Variants in CNBP observed in about 807,000 individuals in gnomAD.
CNBP encodes cellular nucleic acid-binding protein.
Under a neutral mutation model 21.2 loss-of-function variants are expected in CNBP, and 6 were observed. The observed-to-expected ratio is 0.28, with a 90% CI of 0.16 to 0.56. The LOEUF (loss-of-function observed/expected upper bound fraction) is 0.56. Ranked by LOEUF, CNBP falls within the 20% of genes least tolerant of loss-of-function variation. CNBP has a pLI of 0.93. For missense variants in CNBP, 112 were observed against 233.1 expected, an observed-to-expected ratio of 0.48 and a Z score of 3.38; for synonymous variants, 61 against 74.9, an observed-to-expected ratio of 0.81 and a Z score of 0.96.
At chr3:129,177,779 T>A (rs1432801473) in intron 1 of CNBP, among the ~76,000 whole-genome samples, 1 of 152,194 alleles carries the variant, frequency 6.6e-6, no homozygotes, top group East Asian at 1.9e-4. Flanking sequence ...CATTTTTGTG[T>A]ATCAAATGTT....
At position 129,168,076 on chromosome 3, in the gene CNBP, C is replaced by T. The variant is rs149706654; in HGVS notation, c.*2377G>A. ...AGAACCCTGCATGAAGGATGAAAAA[C>T]TCATACCCAAAGTCAAGAATCACAC... is the stretch of plus-strand genomic sequence containing the variant. On this transcript the variant is annotated 3_prime_UTR_variant, in exon 5 of 5. Coordinates refer to ENST00000422453, the MANE Select transcript of CNBP (RefSeq NM_003418.5). 2.2e-4 allele frequency among the ~76,000 whole-genome samples: 33 copies of T among 152,218 alleles called. No individual in the cohort carries two copies. In the East Asian group the frequency reaches 4.4e-3, roughly 20 times the overall value.
chr3:129,171,988 G>A (rs1430315431), intron 1 of CNBP, among the ~76,000 whole-genome samples: 1 of 151,930 alleles, frequency 6.6e-6, no homozygotes, highest in East Asian at 1.9e-4. Context: ...TGGCTAACAT[G>A]GTGAAACCCC....
At position 129,170,364 on chromosome 3, in the gene CNBP, C is replaced by CT; in HGVS notation, c.*88dup. ...AAGCTCACTGGCCTGGGAGTTGCCTCTATCTGCCAACCTTTGGCCAGTGAA... is the reference window on the plus strand; with the variant it reads ...AAGCTCACTGGCCTGGGAGTTGCCTCTTATCTGCCAACCTTTGGCCAGTGAA... On this transcript the variant is annotated 3_prime_UTR_variant, in exon 5 of 5. Transcript: ENST00000422453. The CT allele has an allele frequency of 8.6e-7, 1 of 1,163,288 alleles. No homozygotes were observed. The highest frequency in any genetic ancestry group is 1.3e-6 in the Non-Finnish European group (1 of 775,818). 72.1% of individuals were successfully genotyped at this position (1,163,288 alleles called of 1,614,324 possible). A position where few individuals can be genotyped will look rare whatever the true frequency, so the allele number is the denominator to read the frequency against.
At chr3:129,181,013 G>A (rs1246300365) in intron 1 of CNBP, among the ~76,000 whole-genome samples, 2 of 151,352 alleles carry the variant, frequency 1.3e-5, no homozygotes, top group African/African-American at 4.9e-5. Context: ...GCCGAGGCGG[G>A]TGAATTACCT....
At chr3:129,181,652 A>AAAAAAAAAAAAAAAAG (rs1355831775) in intron 1 of CNBP, among the ~76,000 whole-genome samples, 1 of 148,326 alleles carries the variant, frequency 6.7e-6, no homozygotes, top group Admixed American at 6.7e-5. Flanking sequence ...TCCGTCTCAG[A>AAAAAAAAAAAAAAAAG]AAAAAAAAAA....
chr3:129,179,820 G>A (rs765620704), intron 1 of CNBP, among the ~76,000 whole-genome samples: 13 of 152,050 alleles, frequency 8.5e-5, no homozygotes, highest in Non-Finnish European at 1.3e-4. Context: ...GTGACAAAGC[G>A]AGACTCCGTC....
chr3:129,180,049 CACAAAAATGCTATCGTAATATATG>C (rs1938189603), intron 1 of CNBP, among the ~76,000 whole-genome samples: 2 of 151,408 alleles, frequency 1.3e-5, no homozygotes, highest in South Asian at 2.1e-4. Flanking sequence ...TGGTAAAGTA[CACAAAAATGCTATCGTAATATATG>C]ACAAAAATGC....
chr3:129,183,322 G>A (rs570888176), intron 1 of CNBP, among the ~76,000 whole-genome samples: 46 of 152,266 alleles, frequency 3.0e-4, no homozygotes, highest in Admixed American at 2.7e-3. Context: ...CACATGGCCT[G>A]CACGACTATA....
chr3:129,178,680 G>GT (rs1377551354), intron 1 of CNBP, among the ~76,000 whole-genome samples: 5 of 152,032 alleles, frequency 3.3e-5, no homozygotes, highest in African/African-American at 7.2e-5. Flanking sequence ...CTGAATGTAT[G>GT]TAAGTATGCA....
chr3:129,181,655 A>AAAAAAAAAAAAAAAAAAAAAAG (rs1264573788), intron 1 of CNBP, among the ~76,000 whole-genome samples: 4 of 141,674 alleles, frequency 2.8e-5, no homozygotes, highest in African/African-American at 1.2e-4. Context: ...GTCTCAGAAA[A>AAAAAAAAAAAAAAAAAAAAAAG]AAAAAAAGAA....
intron 1 of CNBP, among the ~76,000 whole-genome samples, chr3:129,173,227 GTAT>G (rs1040642372): frequency 1.9e-4 from 29 of 152,144 alleles, no homozygotes; most frequent in African/African-American, 6.8e-4. Flanking sequence ...ATTGTGTTAG[GTAT>G]TATAAGTAAT....
chr3:129,182,921 CTTCAGGAACCCTTT>C, intron 1 of CNBP, among the ~76,000 whole-genome samples: 1 of 147,444 alleles, frequency 6.8e-6, no homozygotes, highest in Non-Finnish European at 1.5e-5. Flanking sequence ...ACAAAGGCTT[CTTCAGGAACCCTTT>C]GTTGTTGTTT....
intron 1 of CNBP, among the ~76,000 whole-genome samples, chr3:129,175,867 G>A (rs909036843): frequency 6.6e-6 from 1 of 152,182 alleles, no homozygotes; most frequent in Non-Finnish European, 1.5e-5. Flanking sequence ...TTTTAAAAGA[G>A]GTCTTTGAGT....
intron 1 of CNBP, among the ~76,000 whole-genome samples, chr3:129,182,038 G>T (rs1262031678): frequency 6.6e-6 from 1 of 151,976 alleles, no homozygotes; most frequent in Non-Finnish European, 1.5e-5. Context: ...TAGGAGGGGG[G>T]AGGGGGAAGC....
At position 129,171,711 on chromosome 3, in the gene CNBP, G is replaced by A. The variant is rs1937572533; in HGVS notation, c.47C>T (p.Ala16Val). The change falls in exon 2 of 5, where the codon GCC becomes GTC. Residue 16 changes from alanine to valine, a missense_variant. Transcript: ENST00000422453. Reference protein sequence around the residue: ...CFKCGRSGHWARECPTGGGRG... With the variant: ...CFKCGRSGHWVRECPTGGGRG... The stretch of plus-strand genomic sequence containing the variant: ...GCCTCCACCAGTAGGACATTCCCGG[G>A]CCCAGTGGCCAGATCGTCCACACTT... The A allele has an allele frequency of 2.5e-6, 4 of 1,614,106 alleles. No homozygotes were observed. The highest frequency in any genetic ancestry group is 3.4e-6 in the Non-Finnish European group (4 of 1,180,034).
At chr3:129,177,490 T>C (rs566988820) in intron 1 of CNBP, among the ~76,000 whole-genome samples, 2 of 152,248 alleles carry the variant, frequency 1.3e-5, no homozygotes, top group African/African-American at 2.4e-5. Flanking sequence ...TTGTGCTTAA[T>C]AGATATTCAA....
intron 1 of CNBP, among the ~76,000 whole-genome samples, chr3:129,180,113 T>C (rs976605613): frequency 6.6e-6 from 1 of 152,086 alleles, no homozygotes; most frequent in African/African-American, 2.4e-5. Flanking sequence ...GGTAGGGAAT[T>C]ATACCAATTC....
chr3:129,177,231 C>T (rs1384313), intron 1 of CNBP, among the ~76,000 whole-genome samples: 135,843 of 152,224 alleles, frequency 0.89, 61,419 homozygotes, highest in Non-Finnish European at 0.97. Context: ...TAAGGCACCA[C>T]TTACTGAAGG....
At chr3:129,174,907 C>G (rs555837379) in intron 1 of CNBP, among the ~76,000 whole-genome samples, 1 of 151,614 alleles carries the variant, frequency 6.6e-6, no homozygotes, top group East Asian at 2.0e-4. Context: ...TTAGAAAATA[C>G]AAAACAAGGA....
Sources: allele counts gnomAD v4.1 joint callset (sites outside exome capture counted in the v4.1 genomes callset), GRCh38; gene constraint gnomAD v4.1.1; transcripts MANE v1.5; gene names NCBI Gene and HGNC (gene_info 2026-07-23, HGNC 2026-07-21).